Variants in TTC28 observed in about 807,000 individuals in gnomAD.
TTC28 encodes tetratricopeptide repeat domain 28.
Under a neutral mutation model 198.0 loss-of-function variants are expected in TTC28, and 61 were observed. The observed-to-expected ratio is 0.31, with a 90% CI of 0.25 to 0.38. The LOEUF is 0.38. Among genes scored for constraint, TTC28 ranks in the 10% least tolerant of loss-of-function variants. The pLI is 1.00. For synonymous variants in TTC28, 1,171 were observed against 1,297.8 expected, an observed-to-expected ratio of 0.90 and a Z score of 2.10; for missense variants, 2,678 against 3,164.0, an observed-to-expected ratio of 0.85 and a Z score of 3.69.
chr22:28,318,169 C>T (rs2145840406), intron 2 of TTC28, among the ~76,000 whole-genome samples: 1 of 151,958 alleles, frequency 6.6e-6, no homozygotes, highest in South Asian at 2.1e-4. Context: ...CTCGGCCTCC[C>T]ACAGTGCTGA....
chr22:28,309,053 G>C (rs1429376246), intron 2 of TTC28, among the ~76,000 whole-genome samples: 3 of 152,130 alleles, frequency 2.0e-5, no homozygotes. Context: ...TGTCACTATG[G>C]AGTTCAAGCT....
chr22:27,980,825 CT>C lies in TTC28; in HGVS notation c.*1395del, dbSNP rs1330222636. ...TGGTTACCCCTAACTAGATGATTCCCTTGTCTTGCCTCAAGCTGGCAACAAT... is the reference window on the plus strand; with the variant it reads ...TGGTTACCCCTAACTAGATGATTCCCTGTCTTGCCTCAAGCTGGCAACAAT... On this transcript the variant is annotated 3_prime_UTR_variant, in exon 23 of 23. Transcript: ENST00000397906. 2 of 152,238 alleles carry C rather than the reference CT, an allele frequency of 1.3e-5. No individual in the cohort carries two copies. The highest frequency in any genetic ancestry group is 4.8e-5 in the African/African-American group (2 of 41,450). 9.4% of individuals were successfully genotyped at this position (152,238 alleles called of 1,614,324 possible). A position where few individuals can be genotyped will look rare whatever the true frequency, so the allele number is the denominator to read the frequency against.
At chr22:28,519,414 T>TA (rs1197839905) in intron 2 of TTC28, among the ~76,000 whole-genome samples, 1 of 152,082 alleles carries the variant, frequency 6.6e-6, no homozygotes, top group Non-Finnish European at 1.5e-5. Flanking sequence ...GGATGGCAGA[T>TA]AAAAAAATAA....
intron 2 of TTC28, among the ~76,000 whole-genome samples, chr22:28,334,496 C>T (rs2045673670): frequency 6.6e-6 from 1 of 152,210 alleles, no homozygotes; most frequent in Non-Finnish European, 1.5e-5. Context: ...TATTTCTCCA[C>T]ATCCTCTCCA....
rs1330683793 is a variant in TTC28 at position 27,979,043 on chromosome 22, T to A, written c.*3178A>T. 6.6e-6 allele frequency: 1 copy of A among 152,214 alleles called. No homozygotes were observed. The highest frequency in any genetic ancestry group is 1.5e-5 in the Non-Finnish European group (1 of 68,026). 9.4% of individuals were successfully genotyped at this position (152,214 alleles called of 1,614,324 possible). A position where few individuals can be genotyped will look rare whatever the true frequency, so the allele number is the denominator to read the frequency against. ...CAAGGGCTATGCAGGAGGCATTTGCTTCCATCCACGTGGCCCTCACATACC... is the reference window on the plus strand; with the variant it reads ...CAAGGGCTATGCAGGAGGCATTTGCATCCATCCACGTGGCCCTCACATACC... On this transcript the variant is annotated 3_prime_UTR_variant, in exon 23 of 23. Transcript: ENST00000397906.
At chr22:28,656,871 C>T (rs899817108) in intron 1 of TTC28, among the ~76,000 whole-genome samples, 3 of 151,896 alleles carry the variant, frequency 2.0e-5, no homozygotes, top group African/African-American at 2.4e-5. Flanking sequence ...CAAATCTGCA[C>T]GTTGTGCACA....
chr22:27,998,027 T>G (rs1486756479), intron 16 of TTC28: 1 of 162,912 alleles, frequency 6.1e-6, no homozygotes, highest in Non-Finnish European at 1.3e-5. Flanking sequence ...TTCTAGAACA[T>G]GCAGGGCTTG....
At chr22:28,070,811 C>T (rs1402159054) in intron 12 of TTC28, among the ~76,000 whole-genome samples, 1 of 152,160 alleles carries the variant, frequency 6.6e-6, no homozygotes, top group Non-Finnish European at 1.5e-5. Context: ...ATATGTGACA[C>T]AGTTTCAACG....
chr22:28,521,543 G>A (rs1164849097), intron 2 of TTC28, among the ~76,000 whole-genome samples: 1 of 152,176 alleles, frequency 6.6e-6, no homozygotes, highest in African/African-American at 2.4e-5. Flanking sequence ...TCTTTCTCTT[G>A]GGGCATTGCT....
At chr22:28,378,846 A>G (rs931801073) in intron 2 of TTC28, among the ~76,000 whole-genome samples, 10 of 152,192 alleles carry the variant, frequency 6.6e-5, no homozygotes, top group Non-Finnish European at 1.2e-4. Flanking sequence ...TCTCCAAAGG[A>G]GAAGAGAGAC....
intron 6 of TTC28, among the ~76,000 whole-genome samples, chr22:28,148,897 T>C (rs1943540834): frequency 6.6e-6 from 1 of 152,184 alleles, no homozygotes; most frequent in Admixed American, 6.5e-5. Flanking sequence ...TGGGTAATTA[T>C]TTGAACTTTA....
chr22:28,063,486 G>C (rs1940630015), intron 12 of TTC28, among the ~76,000 whole-genome samples: 2 of 152,258 alleles, frequency 1.3e-5, no homozygotes, highest in Non-Finnish European at 2.9e-5. Context: ...TTAGGACCTT[G>C]TGTTCACAAG....
At chr22:28,262,343 T>G (rs1179723106) in intron 5 of TTC28, among the ~76,000 whole-genome samples, 9 of 152,304 alleles carry the variant, frequency 5.9e-5, no homozygotes, top group African/African-American at 1.9e-4. Context: ...TCTCAGCTAC[T>G]GACTTTATAA....
intron 6 of TTC28, among the ~76,000 whole-genome samples, chr22:28,156,761 G>C (rs1354185749): frequency 5.3e-5 from 8 of 152,132 alleles, no homozygotes; most frequent in Non-Finnish European, 1.2e-4. Context: ...CTGTGTACTG[G>C]AGCAGTTGTC....
At chr22:28,336,472 CT>C (rs1178586985) in intron 2 of TTC28, among the ~76,000 whole-genome samples, 2 of 152,052 alleles carry the variant, frequency 1.3e-5, no homozygotes, top group East Asian at 3.8e-4. Flanking sequence ...TGGTCCTGGA[CT>C]TTTTTTGGTT....
chr22:28,203,379 C>T (rs1441171825), intron 5 of TTC28, among the ~76,000 whole-genome samples: 1 of 152,112 alleles, frequency 6.6e-6, no homozygotes, highest in Admixed American at 6.5e-5. Flanking sequence ...TAAAATAGTA[C>T]ACACTCAAAA....
At chr22:28,086,691 C>CA (rs1305262159) in intron 12 of TTC28, among the ~76,000 whole-genome samples, 3 of 151,972 alleles carry the variant, frequency 2.0e-5, no homozygotes, top group Non-Finnish European at 2.9e-5. Flanking sequence ...AATAGAGACA[C>CA]AAAAAACCCT....
Position 27,993,373 on chromosome 22 carries a change from C to A in TTC28, c.5390G>T (p.Ser1797Ile). The A allele has an allele frequency of 3.9e-6, 6 of 1,551,110 alleles. No individual in the cohort carries two copies. Among genetic ancestry groups the A allele is most frequent in the Non-Finnish European group, 5.2e-6 (6 of 1,146,980 alleles). The change falls in exon 18 of 23, where the codon AGT becomes ATT. Residue 1797 changes from serine (S) to isoleucine (I), a missense_variant. Transcript: ENST00000397906. ...GAAGAAGACAGCCGCTGGCAGGCCA[C>A]TGGTTGGGGGGTCCAGCCGGAAGCC... The part of the protein sequence containing the change: ...AVGFRLDPPT[S>I]GLPAAVFFPT...
intron 2 of TTC28, among the ~76,000 whole-genome samples, chr22:28,578,612 T>C (rs1188377167): frequency 6.6e-6 from 1 of 152,108 alleles, no homozygotes; most frequent in African/African-American, 2.4e-5. Flanking sequence ...GTCCAGTATC[T>C]GGTTTTAACA....
Sources: gnomAD v4.1 joint callset for allele counts (sites outside exome capture counted in the v4.1 genomes callset) on GRCh38, gnomAD v4.1.1 for gene constraint, MANE v1.5 for transcripts, NCBI Gene and HGNC (gene_info 2026-07-23, HGNC 2026-07-21) for gene names.